PRDM1: variants seen among roughly 807,000 people sequenced by gnomAD.
PRDM1 encodes PR domain zinc finger protein 1.
A neutral mutation model predicts 62.8 loss-of-function variants in PRDM1; 13 were observed. That is an observed-to-expected ratio of 0.21 (90% CI 0.13 to 0.33). The LOEUF is 0.33. Among genes scored for constraint, PRDM1 ranks in the 10% least tolerant of loss-of-function variants. The probability of loss-of-function intolerance (pLI) is 1.00; values close to 1 mark genes in which losing one functional copy is unlikely to be tolerated. For missense variants in PRDM1, 895 were observed against 1,058.8 expected (o/e 0.85, Z 2.15); for synonymous variants, 396 against 417.6 (o/e 0.95, Z 0.63).
intron 3 of PRDM1, chr6:106,098,447 G>A: frequency 5.1e-6 from 5 of 985,306 alleles, no homozygotes; most frequent in Non-Finnish European, 6.0e-6. Flanking sequence ...TCTTCATTCT[G>A]CGTTGCCTTT....
chr6:105,995,734 T>C (rs75605808), intron 1 of PRDM1, among the ~76,000 whole-genome samples: 2 of 152,160 alleles, frequency 1.3e-5, no homozygotes, highest in African/African-American at 4.8e-5. Context: ...TTTTTTTTTT[T>C]AATCAGTCAG....
chr6:105,996,352 A>C (rs1272392472), intron 1 of PRDM1, among the ~76,000 whole-genome samples: 1 of 152,212 alleles, frequency 6.6e-6, no homozygotes, highest in East Asian at 1.9e-4. Flanking sequence ...TTAACAATTA[A>C]TCATTTTTAA....
chr6:105,997,514 T>C (rs1366255523), intron 1 of PRDM1, among the ~76,000 whole-genome samples: 2 of 152,276 alleles, frequency 1.3e-5, no homozygotes, highest in African/African-American at 4.8e-5. Flanking sequence ...ATGACATTTC[T>C]CAACTGCATT....
chr6:105,996,244 CT>C (rs1772347701), intron 1 of PRDM1, among the ~76,000 whole-genome samples: 1 of 152,100 alleles, frequency 6.6e-6, no homozygotes. Context: ...TGTTGTCAAA[CT>C]TCCAGTACCC....
chr6:106,083,965 T>C (rs1401714964), upstream of PRDM1, among the ~76,000 whole-genome samples: 1 of 152,194 alleles, frequency 6.6e-6, no homozygotes, highest in African/African-American at 2.4e-5. Context: ...CAGAGGTCAG[T>C]CCCTTTTATT....
chr6:106,073,179 A>G (rs1467236719), intron 1 of PRDM1, among the ~76,000 whole-genome samples: 1 of 150,684 alleles, frequency 6.6e-6, no homozygotes, highest in Non-Finnish European at 1.5e-5. Flanking sequence ...CAATGGCGCA[A>G]TCTCGGCCCA....
At chr6:106,094,320 A>C (rs1365827979) in intron 2 of PRDM1, among the ~76,000 whole-genome samples, 1 of 152,224 alleles carries the variant, frequency 6.6e-6, no homozygotes, top group African/African-American at 2.4e-5. Flanking sequence ...GAAGAAAATA[A>C]AACTAGGAAA....
chr6:106,105,405 G>A lies in PRDM1; in HGVS notation c.1245G>A (p.Leu415=), dbSNP rs570516273. Reference sequence around the variant, plus strand: ...ACGCTCACTACCCCAAGTTCCTCTTGCCCCCCTACGGCATGAATTGTAATG... The same window carrying A: ...ACGCTCACTACCCCAAGTTCCTCTTACCCCCCTACGGCATGAATTGTAATG... The part of the protein sequence containing the change: ...SYNAHYPKFL[L]PPYGMNCNGL... The change falls in exon 5 of 7, where the codon TTG becomes TTA. Residue 415 remains leucine (L), a synonymous_variant. Coordinates refer to ENST00000369096, the MANE Select transcript of PRDM1 (RefSeq NM_001198.4). The A allele has an allele frequency of 1.2e-6, 2 of 1,614,052 alleles. No homozygotes were observed. Among genetic ancestry groups the A allele is most frequent in the South Asian group, 1.1e-5 (1 of 91,066 alleles).
At chr6:106,103,193 G>A (rs943097105) in intron 4 of PRDM1, among the ~76,000 whole-genome samples, 14 of 152,016 alleles carry the variant, frequency 9.2e-5, no homozygotes, top group Admixed American at 4.6e-4. Context: ...CTTCAGGCTC[G>A]CCCAGGAGGA....
In PRDM1 at chr6:106,002,600, T is replaced by A. The variant is rs1772439783; in HGVS notation, c.-67+8961T>A. Among the ~76,000 whole-genome samples, 3 of 152,218 alleles carry A rather than the reference T, an allele frequency of 2.0e-5. No homozygotes were observed. In the South Asian group the frequency reaches 6.2e-4, roughly 31 times the overall value. On this transcript the variant is annotated intron_variant, in intron 1 of 6. Transcript: ENST00000652320. Reference sequence around the variant, plus strand: ...AAAATGTATTCTGCTTTATACAAACTTAGAAAATATTTTTTATTATCCTCA... The same window carrying A: ...AAAATGTATTCTGCTTTATACAAACATAGAAAATATTTTTTATTATCCTCA...
chr6:105,995,850 T>C (rs1178581479), intron 1 of PRDM1, among the ~76,000 whole-genome samples: 1 of 152,106 alleles, frequency 6.6e-6, no homozygotes, highest in African/African-American at 2.4e-5. Flanking sequence ...TCGGGGACAA[T>C]CTTTAGTTTG....
intron 1 of PRDM1, among the ~76,000 whole-genome samples, chr6:106,012,402 A>G (rs1772569029): frequency 6.7e-6 from 1 of 148,480 alleles, no homozygotes; most frequent in African/African-American, 2.6e-5. Flanking sequence ...AACATACCAC[A>G]TACACACATA....
chr6:106,085,616 T>C (rs1252051452), upstream of PRDM1, among the ~76,000 whole-genome samples: 1 of 152,194 alleles, frequency 6.6e-6, no homozygotes, highest in Non-Finnish European at 1.5e-5. Flanking sequence ...CCGACCGCTT[T>C]CCACTTGCAG....
chr6:105,999,150 G>C (rs1480662234), intron 1 of PRDM1, among the ~76,000 whole-genome samples: 1 of 151,796 alleles, frequency 6.6e-6, no homozygotes. Flanking sequence ...TGTTGCCCAG[G>C]TTGGTCTCAA....
At chr6:106,065,152 T>C (rs944809384) in intron 1 of PRDM1, among the ~76,000 whole-genome samples, 6 of 152,152 alleles carry the variant, frequency 3.9e-5, no homozygotes, top group African/African-American at 1.4e-4. Flanking sequence ...CAAGTGTTTC[T>C]TTTTGTCAAG....
chr6:106,041,055 TGAAGGTGGACCGCTTG>T (rs1436946563), intron 1 of PRDM1, among the ~76,000 whole-genome samples: 1 of 152,238 alleles, frequency 6.6e-6, no homozygotes, highest in African/African-American at 2.4e-5. Flanking sequence ...ACACAGTTTC[TGAAGGTGGACCGCTTG>T]GATTGGAATC....
chr6:106,070,554 T>G (rs1021217598), intron 1 of PRDM1, among the ~76,000 whole-genome samples: 1 of 151,726 alleles, frequency 6.6e-6, no homozygotes, highest in African/African-American at 2.4e-5. Context: ...TATTTCCCTG[T>G]GGATATATTT....
chr6:106,095,951 T>C (rs1481098805), intron 3 of PRDM1: 1 of 485,238 alleles, frequency 2.1e-6, no homozygotes, highest in Non-Finnish European at 3.7e-6. Flanking sequence ...ACGGGCTATA[T>C]GTGAATCTTG....
chr6:106,088,164 G>C, intron 1 of PRDM1, 37 bp from the exon 2 acceptor site: 1 of 1,552,410 alleles, frequency 6.4e-7, no homozygotes, highest in African/African-American at 1.4e-5. Flanking sequence ...GGAACGGCGG[G>C]ACAATGGGGA....
Sources: allele counts gnomAD v4.1 joint callset (sites outside exome capture counted in the v4.1 genomes callset), GRCh38; gene constraint gnomAD v4.1.1; transcripts MANE v1.5; gene names NCBI Gene and HGNC (gene_info 2026-07-23, HGNC 2026-07-21).